Variants in RRM1 observed in about 807,000 individuals in gnomAD.
RRM1 encodes the protein ribonucleoside-diphosphate reductase large subunit.
Under a neutral mutation model 101.5 loss-of-function variants are expected in RRM1, and 19 were observed. The ratio of observed to expected loss-of-function variants is 0.19; its 90% CI spans 0.13 to 0.27. The LOEUF (loss-of-function observed/expected upper bound fraction) is 0.27, where lower values mean the gene tolerates loss of function less well. RRM1 is among the 10% of genes least tolerant of loss of function. RRM1 has a pLI of 1.00. For missense variants in RRM1, 500 were observed against 962.9 expected, an observed-to-expected ratio of 0.52 and a Z score of 6.36; for synonymous variants, 298 against 323.4, an observed-to-expected ratio of 0.92 and a Z score of 0.84.
At chr11:4,133,501 T>C in intron 16 of RRM1, 62 bp from the exon 17 acceptor site, 1 of 990,280 alleles carries the variant, frequency 1.0e-6, no homozygotes, top group Non-Finnish European at 1.6e-6. Context: ...TTCAAAGCTG[T>C]AGTCTTTTCT....
At chr11:4,104,381 T>C (rs972518446) in intron 2 of RRM1, among the ~76,000 whole-genome samples, 3 of 152,214 alleles carry the variant, frequency 2.0e-5, no homozygotes, top group Admixed American at 1.3e-4. Context: ...GAGTATGCAT[T>C]GTTCAGCTGG....
At chr11:4,115,245 A>G (rs1442791905) in intron 7 of RRM1, among the ~76,000 whole-genome samples, 1 of 152,184 alleles carries the variant, frequency 6.6e-6, no homozygotes, top group Non-Finnish European at 1.5e-5. Context: ...TTACCTGATA[A>G]GGAAAGTGGT....
intron 7 of RRM1, among the ~76,000 whole-genome samples, chr11:4,117,170 A>G (rs2094574927): frequency 6.6e-6 from 1 of 152,230 alleles, no homozygotes; most frequent in Non-Finnish European, 1.5e-5. Flanking sequence ...CACTGATAAG[A>G]ATGTGGAGCA....
At position 4,119,938 on chromosome 11, in the gene RRM1, A is replaced by G. The variant is rs1173517828; in HGVS notation, c.876+10A>G. On this transcript the variant is annotated intron_variant, in intron 9 of 18. Coordinates refer to ENST00000300738, the MANE Select transcript of RRM1 (RefSeq NM_001033.5). ...TCAAGGTGGGAACAAGGTATGCTCC[A>G]TGAATTGAAAGTACTGGAAATCAGA... 3 of 1,501,706 alleles carry G rather than the reference A, an allele frequency of 2.0e-6. No individual in the cohort carries two copies. Among genetic ancestry groups the G allele is most frequent in the Non-Finnish European group, 2.8e-6 (3 of 1,078,848 alleles). 93.0% of individuals were successfully genotyped at this position (1,501,706 alleles called of 1,614,324 possible).
In RRM1 at chr11:4,100,985, T is replaced by A. The variant is rs765824049; in HGVS notation, c.20-1008T>A. Among the ~76,000 whole-genome samples the A allele has an allele frequency of 1.8e-3, 277 of 152,260 alleles. 1 individual carries two copies. The highest frequency in any genetic ancestry group is 3.4e-3 in the Middle Eastern group (1 of 294). ...AACTAAGAGTAGTAAGACTTTTTTG[T>A]CTAGAAGGACAAAGATATAATCTAA... On this transcript the variant is annotated intron_variant, in intron 1 of 18. Transcript: ENST00000300738.
At chr11:4,108,108 C>T (rs1033669511) in intron 4 of RRM1, among the ~76,000 whole-genome samples, 2 of 152,108 alleles carry the variant, frequency 1.3e-5, no homozygotes, top group Non-Finnish European at 2.9e-5. Context: ...AACTGACTCC[C>T]AAAAAGGTTG....
chr11:4,137,617 T>G (rs529039050), intron 18 of RRM1, among the ~76,000 whole-genome samples: 14 of 7,956 alleles, frequency 1.8e-3, no homozygotes, highest in East Asian at 6.8e-3. Flanking sequence ...CTGGCCGGGC[T>G]GGGGGCTGAC....
intron 4 of RRM1, among the ~76,000 whole-genome samples, chr11:4,109,312 G>A (rs550939856): frequency 1.3e-5 from 2 of 151,688 alleles, no homozygotes; most frequent in Non-Finnish European, 2.9e-5. Context: ...TCCCATTTAT[G>A]CTCATGTTTT....
At chr11:4,136,747 TTTGTTTG>T (rs1217773965) in intron 18 of RRM1, among the ~76,000 whole-genome samples, 4 of 151,752 alleles carry the variant, frequency 2.6e-5, no homozygotes, top group Non-Finnish European at 5.9e-5. Context: ...TGTTTGTTTG[TTTGTTTG>T]TTTTTTCTTT....
At chr11:4,107,409 T>G in intron 3 of RRM1, 26 bp from the exon 4 acceptor site, 1 of 1,443,586 alleles carries the variant, frequency 6.9e-7, no homozygotes. Flanking sequence ...TCTTGATATA[T>G]TTTCATTTTT....
chr11:4,100,833 T>G (rs1167712744), intron 1 of RRM1, among the ~76,000 whole-genome samples: 1 of 151,820 alleles, frequency 6.6e-6, no homozygotes, highest in Non-Finnish European at 1.5e-5. Flanking sequence ...TTTCTACAAA[T>G]GAAGATCTGT....
At position 4,106,100 on chromosome 11, in the gene RRM1, G is replaced by A; in HGVS notation, c.163G>A (p.Glu55Lys). The change falls in exon 3 of 19, where the codon GAA becomes AAA. Residue 55 changes from glutamate to lysine, a missense_variant. By Grantham distance (56) the Glu-to-Lys change is moderately conservative. Coordinates refer to ENST00000300738, the MANE Select transcript of RRM1 (RefSeq NM_001033.5). The part of the protein sequence containing the change: ...QGLYSGVTTV[E>K]LDTLAAETAA... The stretch of plus-strand genomic sequence containing the variant: ...CTTGTACAGTGGGGTCACCACAGTG[G>A]AACTAGATACTTTGGCTGCTGAAAC... 1.2e-6 allele frequency: 2 copies of A among 1,613,884 alleles called. No individual in the cohort carries two copies. Among genetic ancestry groups the A allele is most frequent in the Non-Finnish European group, 1.7e-6 (2 of 1,179,824 alleles).
At chr11:4,098,391 C>G (rs1182272406) in intron 1 of RRM1, among the ~76,000 whole-genome samples, 2 of 144,812 alleles carry the variant, frequency 1.4e-5, no homozygotes, top group African/African-American at 5.1e-5. Context: ...CCTCCCCTCC[C>G]TCTCCCCCTC....
intron 4 of RRM1, among the ~76,000 whole-genome samples, chr11:4,109,036 ACT>A (rs930531107): frequency 1.3e-5 from 2 of 152,072 alleles, no homozygotes; most frequent in African/African-American, 4.8e-5. Flanking sequence ...GCCTACAAAA[ACT>A]CTGTAACAAG....
At chr11:4,118,108 G>A (rs2094576266) in intron 7 of RRM1, among the ~76,000 whole-genome samples, 2 of 152,042 alleles carry the variant, frequency 1.3e-5, no homozygotes, top group Non-Finnish European at 2.9e-5. Flanking sequence ...ACTATCTAGG[G>A]GAGGCAGCAA....
chr11:4,097,459 C>CTT (rs539114206), intron 1 of RRM1, among the ~76,000 whole-genome samples: 1 of 142,878 alleles, frequency 7.0e-6, no homozygotes, highest in East Asian at 2.1e-4. Flanking sequence ...TTGTTTGTTT[C>CTT]TTTTTTTTTT....
intron 18 of RRM1, 190 bp from the exon 19 acceptor site, chr11:4,137,977 CGGCTGGCCGGGCAGAGGACCTCCTCACT>C (rs2094616241): frequency 1.0e-5 from 1 of 99,214 alleles, no homozygotes; most frequent in African/African-American, 3.8e-5. Context: ...CCAGATGGGG[CGGCTGGCCGGGCAGAGGACCTCCTCACT>C]TCCCAGTAGG....
At chr11:4,103,461 G>C (rs2094554326) in intron 2 of RRM1, among the ~76,000 whole-genome samples, 1 of 152,012 alleles carries the variant, frequency 6.6e-6, no homozygotes, top group African/African-American at 2.4e-5. Flanking sequence ...GAAGCACCTA[G>C]GTCTCTTGAC....
intron 1 of RRM1, among the ~76,000 whole-genome samples, chr11:4,100,287 G>A (rs943029629): frequency 1.3e-5 from 2 of 152,168 alleles, no homozygotes; most frequent in Non-Finnish European, 2.9e-5. Context: ...TGAATCAGAG[G>A]GCCAAATAAA....
Sources: allele counts gnomAD v4.1 joint callset (sites outside exome capture counted in the v4.1 genomes callset), GRCh38; gene constraint gnomAD v4.1.1; transcripts MANE v1.5; gene names NCBI Gene and HGNC (gene_info 2026-07-23, HGNC 2026-07-21).